Variants in RARB observed in about 807,000 individuals in gnomAD.
RARB encodes the protein HBV-activated protein.
In RARB, 17 loss-of-function variants were observed where a neutral mutation model predicts 51.9. The observed-to-expected ratio is 0.33, with a 90% CI of 0.22 to 0.49. The LOEUF is 0.49. Ranked by LOEUF, RARB falls within the 20% of genes least tolerant of loss-of-function variation. The pLI, the probability that RARB is intolerant of heterozygous loss-of-function variation, is 0.99. For missense variants in RARB, 369 were observed against 550.8 expected (o/e 0.67, Z 3.30); for synonymous variants, 215 against 195.4 (o/e 1.10, Z -0.84).
intron 5 of RARB, among the ~76,000 whole-genome samples, chr3:25,349,703 C>G (rs1705501475): frequency 1.3e-5 from 2 of 152,104 alleles, no homozygotes; most frequent in South Asian, 2.1e-4. Context: ...TTTAAAAGTT[C>G]TATGTGTTTT....
At chr3:25,206,617 C>G (rs895127748) in intron 5 of RARB, among the ~76,000 whole-genome samples, 2 of 151,976 alleles carry the variant, frequency 1.3e-5, no homozygotes, top group Non-Finnish European at 2.9e-5. Flanking sequence ...TTGAGAAACC[C>G]CTTAAAGACA....
At chr3:25,332,219 CAAA>C (rs1039324651) in intron 5 of RARB, among the ~76,000 whole-genome samples, 2 of 151,934 alleles carry the variant, frequency 1.3e-5, no homozygotes, top group South Asian at 4.2e-4. Context: ...AGAGACACAA[CAAA>C]AAAAGAGAAT....
At chr3:25,061,940 G>C (rs535577196) in intron 3 of RARB, among the ~76,000 whole-genome samples, 1 of 151,658 alleles carries the variant, frequency 6.6e-6, no homozygotes, top group African/African-American at 2.4e-5. Flanking sequence ...GAAATCAGTA[G>C]AACAGCACAT....
intron 2 of RARB, among the ~76,000 whole-genome samples, chr3:25,027,011 A>G (rs1697763711): frequency 6.6e-6 from 1 of 152,168 alleles, no homozygotes. Context: ...AGCTGTCTTT[A>G]AAAGCCAGCT....
intron 5 of RARB, among the ~76,000 whole-genome samples, chr3:25,258,236 G>C (rs1191638215): frequency 6.6e-6 from 1 of 152,068 alleles, no homozygotes; most frequent in Non-Finnish European, 1.5e-5. Context: ...CTCTAAAGAT[G>C]ATTTCCATAT....
intron 3 of RARB, among the ~76,000 whole-genome samples, chr3:25,551,838 C>T (rs1178347014): frequency 2.6e-5 from 4 of 152,174 alleles, no homozygotes; most frequent in African/African-American, 9.7e-5. Flanking sequence ...TCTTAGCTTT[C>T]TCAATCAAGC....
chr3:25,346,213 T>C (rs1319381793), intron 5 of RARB, among the ~76,000 whole-genome samples: 1 of 152,196 alleles, frequency 6.6e-6, no homozygotes, highest in Non-Finnish European at 1.5e-5. Flanking sequence ...TTTTTTGCCA[T>C]TTCCTTAATC....
intron 2 of RARB, among the ~76,000 whole-genome samples, chr3:24,937,489 G>T (rs1279950755): frequency 6.6e-6 from 1 of 152,130 alleles, no homozygotes; most frequent in East Asian, 1.9e-4. Context: ...ATGTACATAT[G>T]TGCCAGATGA....
At chr3:25,222,045 G>GCTAT (rs1375266200) in intron 5 of RARB, among the ~76,000 whole-genome samples, 1 of 152,188 alleles carries the variant, frequency 6.6e-6, no homozygotes, top group African/African-American at 2.4e-5. Flanking sequence ...ATCGGAACGA[G>GCTAT]CTATCACTCT....
intron 5 of RARB, among the ~76,000 whole-genome samples, chr3:25,333,941 T>C (rs1472454314): frequency 2.0e-5 from 3 of 152,182 alleles, no homozygotes; most frequent in African/African-American, 7.2e-5. Flanking sequence ...TCATCATCAC[T>C]GGCCATCAGA....
intron 2 of RARB, among the ~76,000 whole-genome samples, chr3:24,970,852 C>T (rs1696382535): frequency 6.6e-6 from 1 of 151,964 alleles, no homozygotes; most frequent in South Asian, 2.1e-4. Flanking sequence ...AATAGAAAGA[C>T]TTCTAAGGAG....
intron 3 of RARB, among the ~76,000 whole-genome samples, chr3:25,533,912 C>T (rs746766109): frequency 6.6e-5 from 10 of 152,160 alleles, no homozygotes; most frequent in Admixed American, 3.9e-4. Flanking sequence ...GGTTTTCTCA[C>T]TTGTGATGGT....
intron 2 of RARB, among the ~76,000 whole-genome samples, chr3:24,861,127 G>C (rs542296550): frequency 6.6e-6 from 1 of 152,280 alleles, no homozygotes; most frequent in South Asian, 2.1e-4. Context: ...TTTGGTGGGG[G>C]CAGGAAGTAT....
rs1233653518 is a variant in RARB at position 25,041,623 on chromosome 3, G to GC, written c.-379-18502_-379-18501insC. Among the ~76,000 whole-genome samples, 9 of 150,488 alleles carry GC rather than the reference G, an allele frequency of 6.0e-5. 1 individual carries two copies. The highest frequency in any genetic ancestry group is 6.0e-4 in the Admixed American group (9 of 15,088). ...AACACATAATTCTCCAGCTAAGAAT[G>GC]TTTTTTTTTAATCACTGCTCTTATC... is the stretch of plus-strand genomic sequence containing the variant. On this transcript the variant is annotated intron_variant, in intron 2 of 11. Transcript: ENST00000383772.
intron 3 of RARB, among the ~76,000 whole-genome samples, chr3:25,121,068 G>A (rs1699776630): frequency 6.6e-6 from 1 of 152,122 alleles, no homozygotes; most frequent in Non-Finnish European, 1.5e-5. Flanking sequence ...ATGGATGCTT[G>A]AATTCACATG....
At chr3:25,388,006 C>T (rs969408328) in intron 5 of RARB, among the ~76,000 whole-genome samples, 12 of 152,048 alleles carry the variant, frequency 7.9e-5, no homozygotes, top group East Asian at 3.9e-4. Context: ...TTTTTGGATT[C>T]GGTTAGTGAT....
At chr3:24,942,408 C>G (rs1221203952) in intron 2 of RARB, among the ~76,000 whole-genome samples, 1 of 152,092 alleles carries the variant, frequency 6.6e-6, no homozygotes, top group Non-Finnish European at 1.5e-5. Flanking sequence ...AAATGAGGCC[C>G]TCATCTGAAG....
chr3:24,925,246 T>C (rs904185995), intron 2 of RARB, among the ~76,000 whole-genome samples: 2 of 152,070 alleles, frequency 1.3e-5, no homozygotes, highest in African/African-American at 4.8e-5. Context: ...AATTGCAAAA[T>C]ACTAGTTATC....
upstream of RARB, among the ~76,000 whole-genome samples, chr3:25,427,290 T>C (rs1482399853): frequency 6.6e-6 from 1 of 152,216 alleles, no homozygotes; most frequent in Non-Finnish European, 1.5e-5. Flanking sequence ...CTAACATTTG[T>C]TCCATGATAT....
Sources: gnomAD v4.1 joint callset for allele counts (sites outside exome capture counted in the v4.1 genomes callset) on GRCh38, gnomAD v4.1.1 for gene constraint, MANE v1.5 for transcripts, NCBI Gene and HGNC (gene_info 2026-07-23, HGNC 2026-07-21) for gene names.